Variants in MEGF6 observed in about 807,000 individuals in gnomAD.
MEGF6 encodes the protein multiple EGF like domains 6, also known as multiple epidermal growth factor-like domains protein 6.
A neutral mutation model predicts 207.1 loss-of-function variants in MEGF6; 184 were observed. The observed-to-expected ratio is 0.89, with a 90% CI of 0.79 to 1.00. MEGF6 has a LOEUF of 1.00. MEGF6 is among the 50% of genes least tolerant of loss of function. The probability of loss-of-function intolerance (pLI) is 0.00; values close to 1 mark genes in which losing one functional copy is unlikely to be tolerated. For missense variants in MEGF6, 2,282 were observed against 2,202.9 expected (o/e 1.04, Z -0.72); for synonymous variants, 1,038 against 910.0 (o/e 1.14, Z -2.53).
intron 3 of MEGF6, among the ~76,000 whole-genome samples, chr1:3,585,539 G>A (rs1195071953): frequency 1.2e-4 from 17 of 140,320 alleles, no homozygotes; most frequent in African/African-American, 4.1e-4. Context: ...TTGTGGGTGT[G>A]ACACATGTCC....
At chr1:3,510,503 A>G (rs113535478) in intron 10 of MEGF6, among the ~76,000 whole-genome samples, 3,058 of 115,032 alleles carry the variant, frequency 0.027, 13 homozygotes, top group East Asian at 0.11. Flanking sequence ...CAACGCCCAC[A>G]GCCCTGCACG....
chr1:3,488,114 ATCC>A lies in MEGF6; in HGVS notation c.*2411_*2413del, dbSNP rs1232001257. 2.0e-5 allele frequency among the ~76,000 whole-genome samples: 3 copies of A among 152,190 alleles called. No individual in the cohort carries two copies. Among genetic ancestry groups the A allele is most frequent in the African/African-American group, 4.8e-5 (2 of 41,440 alleles). On this transcript the variant is annotated 3_prime_UTR_variant, in exon 37 of 37. Transcript: ENST00000356575. ...ATTATGTGTGTTGAGAATGTTCAAT[ATCC>A]TCCTTCTTGCTGCTTGAAACTATAT...
rs1640846813 is a variant in MEGF6, at chr1:3,501,182, T to C, written c.2441A>G (p.Gln814Arg). 1.2e-6 allele frequency: 2 copies of C among 1,611,948 alleles called. No individual in the cohort carries two copies. Among genetic ancestry groups the C allele is most frequent in the Admixed American group, 3.3e-5 (2 of 59,952 alleles). Reference protein sequence around the residue: ...CLPGFVGSRCQDVCPAGWYGP... With the variant: ...CLPGFVGSRCRDVCPAGWYGP... ...GGCAGCTCCAGCTCACTCACCGTCCTGGCAGCGGCTGCCGACGAAGCCAGG... is the reference window on the plus strand; with the variant it reads ...GGCAGCTCCAGCTCACTCACCGTCCCGGCAGCGGCTGCCGACGAAGCCAGG... Residue 814 changes from glutamine to arginine, a missense_variant, in exon 19 of 37, where the codon CAG becomes CGG. Gln to Arg is a conservative substitution (Grantham distance 43, BLOSUM62 1). Coordinates refer to ENST00000356575, the MANE Select transcript of MEGF6 (RefSeq NM_001409.4).
At chr1:3,517,258 G>A (rs35813296) in intron 5 of MEGF6, among the ~76,000 whole-genome samples, 1 of 152,358 alleles carries the variant, frequency 6.6e-6, no homozygotes, top group South Asian at 2.1e-4. Context: ...AAGGGCCCAG[G>A]AGGCTGCGGC....
Position 3,542,209 on chromosome 1 carries a change from G to A in MEGF6, c.482-17963C>T, listed in dbSNP as rs111536770. 6.5e-3 allele frequency among the ~76,000 whole-genome samples: 983 copies of A among 152,392 alleles called. 6 individuals carry two copies. The highest frequency in any genetic ancestry group is 0.011 in the Non-Finnish European group (735 of 68,038). On this transcript the variant is annotated intron_variant, in intron 4 of 36. Coordinates refer to ENST00000356575, the MANE Select transcript of MEGF6 (RefSeq NM_001409.4). The stretch of plus-strand genomic sequence containing the variant: ...CCCAGTGTGGGAAGGCAGCCCTCGG[G>A]CCTGGATGGGTGGGGTCCACCCGGC...
chr1:3,511,941 C>A, intron 8 of MEGF6, 65 bp downstream of exon 8: 1 of 1,605,256 alleles, frequency 6.2e-7, no homozygotes, highest in Non-Finnish European at 8.5e-7. Context: ...AAGCAGGCCT[C>A]GGGGTCCTGG....
chr1:3,541,604 G>A (rs1642523628), intron 4 of MEGF6, among the ~76,000 whole-genome samples: 1 of 152,154 alleles, frequency 6.6e-6, no homozygotes, highest in Non-Finnish European at 1.5e-5. Context: ...AGGCACAGCT[G>A]GCCCGAGGGG....
chr1:3,502,890 C>T (rs1403146962), intron 17 of MEGF6, among the ~76,000 whole-genome samples: 1 of 152,182 alleles, frequency 6.6e-6, no homozygotes, highest in Non-Finnish European at 1.5e-5. Context: ...CGAAGCCTCC[C>T]TGCCTCCCCC....
intron 5 of MEGF6, among the ~76,000 whole-genome samples, chr1:3,522,713 G>GC (rs1020409627): frequency 2.0e-5 from 3 of 151,952 alleles, no homozygotes; most frequent in African/African-American, 4.8e-5. Context: ...GTGTCCCAAG[G>GC]CCCCCCCACT....
At chr1:3,613,823 C>A (rs1473156518), upstream of MEGF6, among the ~76,000 whole-genome samples, 1 of 151,366 alleles carries the variant, frequency 6.6e-6, no homozygotes, top group Non-Finnish European at 1.5e-5. Flanking sequence ...TGCCGCTGTG[C>A]TCTCCCCTGT....
At chr1:3,579,061 C>G (rs1275868780) in intron 4 of MEGF6, among the ~76,000 whole-genome samples, 1 of 152,252 alleles carries the variant, frequency 6.6e-6, no homozygotes, top group Non-Finnish European at 1.5e-5. Context: ...GGCCACCACA[C>G]GAGCAGTCCC....
intron 4 of MEGF6, among the ~76,000 whole-genome samples, chr1:3,543,292 C>T (rs1642586739): frequency 6.6e-6 from 1 of 152,208 alleles, no homozygotes; most frequent in Non-Finnish European, 1.5e-5. Context: ...ACTGCCCTGC[C>T]AGGGGTCCCC....
At chr1:3,552,333 C>G (rs374734393) in intron 4 of MEGF6, among the ~76,000 whole-genome samples, 1 of 152,230 alleles carries the variant, frequency 6.6e-6, no homozygotes, top group African/African-American at 2.4e-5. Flanking sequence ...ACACAAGCTG[C>G]CTGGGGCTGC....
chr1:3,524,994 T>C (rs1045179648), intron 4 of MEGF6, among the ~76,000 whole-genome samples: 2 of 152,140 alleles, frequency 1.3e-5, no homozygotes, highest in Admixed American at 6.5e-5. Context: ...CGCGGACACC[T>C]TGGGTTCAGA....
At position 3,501,180 on chromosome 1, in the gene MEGF6, C is replaced by T. The variant is rs766580362; in HGVS notation, c.2443G>A (p.Asp815Asn). 11 of 1,612,308 alleles carry T rather than the reference C, an allele frequency of 6.8e-6. No homozygotes were observed. The highest frequency in any genetic ancestry group is 8.5e-6 in the Non-Finnish European group (10 of 1,179,860). ...GGGGCAGCTCCAGCTCACTCACCGT[C>T]CTGGCAGCGGCTGCCGACGAAGCCA... Reference protein sequence around the residue: ...LPGFVGSRCQDVCPAGWYGPS... With the variant: ...LPGFVGSRCQNVCPAGWYGPS... The change falls in exon 19 of 37, where the codon GAC becomes AAC. Residue 815 changes from aspartate (D) to asparagine (N), a missense_variant. Physicochemically the swap from Asp to Asn is conservative, Grantham distance 23. Coordinates refer to ENST00000356575, the MANE Select transcript of MEGF6 (RefSeq NM_001409.4).
intron 2 of MEGF6, among the ~76,000 whole-genome samples, chr1:3,600,411 G>A (rs925718317): frequency 3.3e-5 from 5 of 152,192 alleles, no homozygotes; most frequent in African/African-American, 1.2e-4. Context: ...CTGGGGGCTC[G>A]AGGGCAAATG....
chr1:3,550,623 G>A (rs570232396), intron 4 of MEGF6, among the ~76,000 whole-genome samples: 25 of 152,230 alleles, frequency 1.6e-4, no homozygotes, highest in Admixed American at 5.2e-4. Context: ...AGAAAGAAGC[G>A]GTCGTGCCCA....
chr1:3,501,974 C>T (rs1386333277), intron 17 of MEGF6, 53 bp from the exon 18 acceptor site: 3 of 1,586,044 alleles, frequency 1.9e-6, no homozygotes, highest in Non-Finnish European at 2.6e-6. Context: ...GTGGACTGAC[C>T]AGAGCCTTTC....
At chr1:3,563,995 G>A (rs545994160) in intron 4 of MEGF6, among the ~76,000 whole-genome samples, 2 of 152,334 alleles carry the variant, frequency 1.3e-5, no homozygotes, top group South Asian at 2.1e-4. Context: ...GCAACTGCTC[G>A]TTGTAAGGGA....
Sources: allele counts gnomAD v4.1 joint callset (sites outside exome capture counted in the v4.1 genomes callset), GRCh38; gene constraint gnomAD v4.1.1; transcripts MANE v1.5; gene names NCBI Gene and HGNC (gene_info 2026-07-23, HGNC 2026-07-21).